Variants in NHSL2 observed in about 807,000 individuals in gnomAD.
The protein encoded by NHSL2 is NHS-like protein 2.
Under a neutral mutation model 53.4 loss-of-function variants are expected in NHSL2, and 27 were observed. That is an observed-to-expected ratio of 0.51 (90% CI 0.37 to 0.70). The LOEUF is 0.70. NHSL2 is among the 30% of genes least tolerant of loss of function. The pLI is 0.00. For synonymous variants in NHSL2, 408 were observed against 404.1 expected (o/e 1.01, Z -0.12); for missense variants, 892 against 980.1 (o/e 0.91, Z 1.20).
chrX:71,999,979 G>A (rs2042065614), intron 1 of NHSL2, among the ~76,000 whole-genome samples: 2 of 112,046 alleles, frequency 1.8e-5, no homozygotes, highest in African/African-American at 6.5e-5. Context: ...GAATCCATTG[G>A]TTATATGGAA....
intron 1 of NHSL2, among the ~76,000 whole-genome samples, chrX:72,063,742 A>G (rs1424659585): frequency 2.7e-5 from 3 of 111,320 alleles, no homozygotes; most frequent in Admixed American, 9.6e-5. Flanking sequence ...ACTTTAAAAG[A>G]TCATCCATGT....
intron 1 of NHSL2, among the ~76,000 whole-genome samples, chrX:72,020,044 A>G (rs201606306): frequency 1.8e-5 from 2 of 112,407 alleles, no homozygotes; most frequent in East Asian, 5.6e-4. Flanking sequence ...TCTGCAGCAC[A>G]AAAGTCAGCA....
At chrX:72,090,264 C>T (rs2041884932) in intron 1 of NHSL2, among the ~76,000 whole-genome samples, 1 of 110,905 alleles carries the variant, frequency 9.0e-6, no homozygotes, top group Non-Finnish European at 1.9e-5. Flanking sequence ...AGGGTTTCAC[C>T]GTGTTGCTCA....
In NHSL2 at chrX:71,986,764, A is replaced by T. The variant is rs753304238; in HGVS notation, c.280+75397A>T. On this transcript the variant is annotated intron_variant, in intron 1 of 7. Transcript: ENST00000633930. ...CCCTGTTATTTGGACACGTGGGCCC[A>T]AATTCTGGCACCAAATCAGTATGCT... Among the ~76,000 whole-genome samples the T allele has an allele frequency of 9.8e-5, 11 of 111,880 alleles. No homozygotes were observed. In the South Asian group the frequency reaches 4.1e-3, roughly 42 times the overall value.
At chrX:72,102,807 C>T (rs2042006065) in intron 1 of NHSL2, among the ~76,000 whole-genome samples, 1 of 112,285 alleles carries the variant, frequency 8.9e-6, no homozygotes, top group African/African-American at 3.2e-5. Context: ...CAGGCATTTC[C>T]TGGAGCATTT....
In NHSL2 at chrX:72,140,717, C is replaced by A; in HGVS notation, c.3169C>A (p.Gln1057Lys). The change falls in exon 6 of 8, where the codon CAA (glutamine) becomes AAA (lysine). Residue 1057 changes from glutamine to lysine, a missense_variant. By Grantham distance (53) the Gln-to-Lys change is moderately conservative (BLOSUM62 1). Transcript: ENST00000633930. Reference sequence around the variant, plus strand: ...CGGCGATGACCTGCAATCACTTGGTCAAAGGGTGACTTCAACTCCTCAGGC... The same window carrying A: ...CGGCGATGACCTGCAATCACTTGGTAAAAGGGTGACTTCAACTCCTCAGGC... ...ATGDDLQSLG[Q>K]RVTSTPQADS... The A allele has an allele frequency of 1.7e-6, 2 of 1,203,067 alleles. No homozygotes were observed. The highest frequency in any genetic ancestry group is 3.6e-5 in the South Asian group (2 of 55,324).
chrX:72,133,905 C>T, intron 2 of NHSL2, 186 bp from the exon 3 acceptor site: 2 of 419,999 alleles, frequency 4.8e-6, no homozygotes, highest in Non-Finnish European at 4.1e-6. Flanking sequence ...CCTCGATCCT[C>T]ATGGTCCTGG....
chrX:72,134,029 C>T, intron 2 of NHSL2, 62 bp from the exon 3 acceptor site: 1 of 1,124,314 alleles, frequency 8.9e-7, no homozygotes, highest in Non-Finnish European at 1.2e-6. Flanking sequence ...CATGGCCCTT[C>T]CCCGGCCCAG....
intron 1 of NHSL2, among the ~76,000 whole-genome samples, chrX:72,076,605 C>A (rs1396380463): frequency 8.9e-6 from 1 of 111,751 alleles, no homozygotes; most frequent in Non-Finnish European, 1.9e-5. Flanking sequence ...CATTATCAAG[C>A]TGGGAGAAAC....
intron 1 of NHSL2, among the ~76,000 whole-genome samples, chrX:72,033,717 G>C (rs906602066): frequency 2.7e-5 from 3 of 111,939 alleles, no homozygotes; most frequent in African/African-American, 9.8e-5. Context: ...GAAATGCAGT[G>C]GTCTTTTCTG....
Position 72,112,297 on chromosome X carries a change from GA to G in NHSL2, c.281-19781del, listed in dbSNP as rs756189023. Among the ~76,000 whole-genome samples the G allele has an allele frequency of 6.3e-5, 7 of 110,845 alleles. No homozygotes were observed. The Admixed American group carries it at 6.7e-4, about 11-fold the overall frequency. On this transcript the variant is annotated intron_variant, in intron 1 of 7. Coordinates refer to ENST00000633930, the MANE Select transcript of NHSL2 (RefSeq NM_001013627.3). ...AGAAGCAATGGGAAGATGTGCTGGGGAGCAACGGGATGTGATTTACTTCTTT... is the reference window on the plus strand; with the variant it reads ...AGAAGCAATGGGAAGATGTGCTGGGGGCAACGGGATGTGATTTACTTCTTT...
intron 1 of NHSL2, among the ~76,000 whole-genome samples, chrX:71,973,444 G>T (rs2041934908): frequency 8.9e-6 from 1 of 111,851 alleles, no homozygotes; most frequent in Non-Finnish European, 1.9e-5. Flanking sequence ...GTGCCCTCAG[G>T]CATGAACTTC....
At chrX:72,029,415 GT>G (rs751570131) in intron 1 of NHSL2, among the ~76,000 whole-genome samples, 70 of 112,548 alleles carry the variant, frequency 6.2e-4, no homozygotes, top group Middle Eastern at 9.2e-3. Context: ...TGCACTGGGT[GT>G]TTGCGACTGA....
At position 72,139,834 on chromosome X, in the gene NHSL2, G is replaced by A. The variant is rs780291164; in HGVS notation, c.2286G>A (p.Glu762=). The A allele has an allele frequency of 1.7e-6, 2 of 1,208,849 alleles. No homozygotes were observed. The highest frequency in any genetic ancestry group is 4.4e-5 in the Admixed American group (2 of 45,721). Residue 762 remains glutamate (E), a synonymous_variant, in exon 6 of 8, where the codon GAG becomes GAA. Transcript: ENST00000633930. ...KSSLPPTSPM[E]KFPKSRLSFD... ...CACTACCCCCGACGTCACCAATGGA[G>A]AAATTTCCCAAGTCACGGCTATCAT...
chrX:72,035,391 T>G (rs1175735181), intron 1 of NHSL2, among the ~76,000 whole-genome samples: 2 of 111,722 alleles, frequency 1.8e-5, no homozygotes, highest in African/African-American at 6.5e-5. Flanking sequence ...GGATTGATTG[T>G]GTTGTTGAAT....
chrX:72,062,659 C>T (rs1403340081), intron 1 of NHSL2, among the ~76,000 whole-genome samples: 1 of 112,335 alleles, frequency 8.9e-6, no homozygotes, highest in African/African-American at 3.2e-5. Context: ...CAGGCGTGTG[C>T]ATTTCCAACC....
At chrX:72,015,709 G>A (rs2042132940) in intron 1 of NHSL2, among the ~76,000 whole-genome samples, 1 of 112,021 alleles carries the variant, frequency 8.9e-6, no homozygotes, top group African/African-American at 3.2e-5. Flanking sequence ...GATATCTGGT[G>A]GTTGTTATCA....
intron 1 of NHSL2, among the ~76,000 whole-genome samples, chrX:72,065,455 G>A (rs952967906): frequency 2.7e-5 from 3 of 112,141 alleles, no homozygotes; most frequent in Non-Finnish European, 5.6e-5. Context: ...AAGGTATTGA[G>A]AGGAATTATC....
intron 1 of NHSL2, among the ~76,000 whole-genome samples, chrX:72,126,816 T>G (rs887271732): frequency 2.7e-5 from 3 of 112,076 alleles, no homozygotes; most frequent in African/African-American, 9.8e-5. Flanking sequence ...CTTCCTTCAC[T>G]CAAAGTCCCA....
Sources: allele counts gnomAD v4.1 joint callset (sites outside exome capture counted in the v4.1 genomes callset), GRCh38; gene constraint gnomAD v4.1.1; transcripts MANE v1.5; gene names NCBI Gene and HGNC (gene_info 2026-07-23, HGNC 2026-07-21).